CCSER1: variants seen among roughly 807,000 people sequenced by gnomAD.
CCSER1 encodes the protein serine-rich coiled-coil domain-containing protein 1.
A neutral mutation model predicts 82.0 loss-of-function variants in CCSER1; 41 were observed. The observed-to-expected ratio is 0.50, with a 90% confidence interval of 0.39 to 0.65. CCSER1 has a LOEUF of 0.65. Ranked by LOEUF, CCSER1 falls within the 30% of genes least tolerant of loss-of-function variation. The pLI is 0.00. For missense variants in CCSER1, 1,119 were observed against 1,064.2 expected (o/e 1.05, Z -0.72); for synonymous variants, 414 against 383.9 (o/e 1.08, Z -0.92).
intron 10 of CCSER1, among the ~76,000 whole-genome samples, chr4:91,544,252 C>T (rs567534096): frequency 6.6e-6 from 1 of 152,224 alleles, no homozygotes; most frequent in Non-Finnish European, 1.5e-5. Flanking sequence ...TCCGAACATC[C>T]TCCTTTAGCT....
chr4:90,843,768 C>A (rs1447764064), intron 8 of CCSER1, among the ~76,000 whole-genome samples: 1 of 152,062 alleles, frequency 6.6e-6, no homozygotes, highest in Non-Finnish European at 1.5e-5. Context: ...TCATGTTAAT[C>A]TATTCCAAGA....
intron 7 of CCSER1, among the ~76,000 whole-genome samples, chr4:90,806,098 A>G (rs1027918749): frequency 1.3e-5 from 2 of 152,236 alleles, no homozygotes; most frequent in African/African-American, 4.8e-5. Context: ...AGCCTAAATT[A>G]CTTTTGCACC....
intron 10 of CCSER1, among the ~76,000 whole-genome samples, chr4:91,379,740 T>G (rs2149335442): frequency 6.6e-6 from 1 of 152,356 alleles, no homozygotes; most frequent in South Asian, 2.1e-4. Context: ...TTTGTGTCTC[T>G]ATCTCCTTCA....
chr4:90,793,155 T>G (rs1755504570), intron 7 of CCSER1, among the ~76,000 whole-genome samples: 1 of 152,356 alleles, frequency 6.6e-6, no homozygotes, highest in Non-Finnish European at 1.5e-5. Context: ...TGTTCAAACA[T>G]AATTTCTTAC....
chr4:91,439,707 T>C (rs1294753363), intron 10 of CCSER1, among the ~76,000 whole-genome samples: 1 of 151,946 alleles, frequency 6.6e-6, no homozygotes, highest in South Asian at 2.1e-4. Flanking sequence ...GTGTGCTGTA[T>C]TCAGGAAACC....
At chr4:91,415,229 T>C (rs767442966) in intron 10 of CCSER1, among the ~76,000 whole-genome samples, 1 of 152,076 alleles carries the variant, frequency 6.6e-6, no homozygotes, top group African/African-American at 2.4e-5. Flanking sequence ...TTGATGTGTA[T>C]GAATGCTAGC....
intron 10 of CCSER1, among the ~76,000 whole-genome samples, chr4:91,558,042 A>G (rs1189964822): frequency 6.6e-6 from 1 of 151,018 alleles, no homozygotes; most frequent in African/African-American, 2.4e-5. Context: ...TATTTAATGT[A>G]TATTACAAAG....
chr4:90,829,126 G>A (rs1156910187), intron 8 of CCSER1, among the ~76,000 whole-genome samples: 1 of 151,860 alleles, frequency 6.6e-6, no homozygotes, highest in African/African-American at 2.4e-5. Context: ...AAAAAGATAG[G>A]GTAAAGTTAA....
At chr4:90,740,351 A>G (rs560395646) in intron 7 of CCSER1, among the ~76,000 whole-genome samples, 31 of 152,320 alleles carry the variant, frequency 2.0e-4, no homozygotes, top group Non-Finnish European at 3.4e-4. Context: ...AGCATTACTG[A>G]TGGATGATGA....
intron 10 of CCSER1, among the ~76,000 whole-genome samples, chr4:91,372,036 T>A (rs1750085267): frequency 6.6e-6 from 1 of 152,192 alleles, no homozygotes. Flanking sequence ...CTACTATAAA[T>A]AAAAATGTTT....
intron 10 of CCSER1, among the ~76,000 whole-genome samples, chr4:91,281,069 G>T (rs1383212916): frequency 6.6e-6 from 1 of 152,132 alleles, no homozygotes; most frequent in African/African-American, 2.4e-5. Context: ...GGCTAGAATT[G>T]CAGAAATCCA....
intron 9 of CCSER1, among the ~76,000 whole-genome samples, chr4:91,074,557 T>C (rs1316732888): frequency 1.3e-5 from 2 of 152,192 alleles, no homozygotes; most frequent in Non-Finnish European, 2.9e-5. Context: ...TTTAAGACTA[T>C]GATTTATGAT....
chr4:90,155,328 G>A (rs1342289523), intron 1 of CCSER1, among the ~76,000 whole-genome samples: 8 of 152,100 alleles, frequency 5.3e-5, no homozygotes, highest in Admixed American at 1.3e-4. Context: ...AAGGATATTG[G>A]TCTAAAATTG....
intron 4 of CCSER1, among the ~76,000 whole-genome samples, chr4:90,459,545 T>C (rs1478946820): frequency 6.6e-6 from 1 of 152,180 alleles, no homozygotes; most frequent in African/African-American, 2.4e-5. Context: ...AGTTGATTTC[T>C]CCTGATGGCT....
chr4:91,227,290 A>T (rs1738271202), intron 10 of CCSER1, among the ~76,000 whole-genome samples: 1 of 149,584 alleles, frequency 6.7e-6, no homozygotes, highest in African/African-American at 2.4e-5. Flanking sequence ...ATATTTAGTT[A>T]AAAAAAAAGG....
intron 1 of CCSER1, among the ~76,000 whole-genome samples, chr4:90,260,447 C>T (rs1437663337): frequency 4.6e-5 from 7 of 152,116 alleles, no homozygotes; most frequent in Admixed American, 4.6e-4. Flanking sequence ...GTGTTAGTTG[C>T]ATATAGGTTT....
chr4:90,461,033 A>C (rs1578583470), intron 4 of CCSER1, among the ~76,000 whole-genome samples: 1 of 135,386 alleles, frequency 7.4e-6, no homozygotes, highest in South Asian at 2.5e-4. Context: ...TTGTTCCTGT[A>C]CTTAGGTGTT....
At chr4:91,472,006 A>C (rs1757308149) in intron 10 of CCSER1, among the ~76,000 whole-genome samples, 1 of 151,872 alleles carries the variant, frequency 6.6e-6, no homozygotes, top group South Asian at 2.1e-4. Flanking sequence ...GAAAAAAACT[A>C]AAGATTTTAT....
At chr4:90,559,951 CAA>C (rs983818678) in intron 5 of CCSER1, among the ~76,000 whole-genome samples, 1 of 137,652 alleles carries the variant, frequency 7.3e-6, no homozygotes. Flanking sequence ...GAACCTTTCT[CAA>C]AAAAAAAAAG....
Sources: gnomAD v4.1 joint callset for allele counts (sites outside exome capture counted in the v4.1 genomes callset) on GRCh38, gnomAD v4.1.1 for gene constraint, MANE v1.5 for transcripts, NCBI Gene and HGNC (gene_info 2026-07-23, HGNC 2026-07-21) for gene names.